Variants in PDE1A observed in about 807,000 individuals in gnomAD.
PDE1A encodes the protein dual specificity calcium/calmodulin-dependent 3',5'-cyclic nucleotide phosphodiesterase 1A.
In PDE1A, 35 loss-of-function variants were observed where a neutral mutation model predicts 61.7. That is an observed-to-expected ratio of 0.57 (90% CI 0.43 to 0.75). The LOEUF is 0.75. Ranked by LOEUF, PDE1A falls within the 30% of genes least tolerant of loss-of-function variation. The pLI is 0.00. For synonymous variants in PDE1A, 232 were observed against 213.2 expected (o/e 1.09, Z -0.77); for missense variants, 597 against 630.6 (o/e 0.95, Z 0.57).
At chr2:182,633,296 T>G in the PDE1A span, among the ~76,000 whole-genome samples, 4 of 152,180 alleles carry the variant, frequency 2.6e-5, no homozygotes, top group East Asian at 5.8e-4. Flanking sequence ...TAGATTTTCC[T>G]CAAGCCATGC....
chr2:182,184,041 A>T (rs1685002873), intron 13 of PDE1A, among the ~76,000 whole-genome samples: 1 of 130,498 alleles, frequency 7.7e-6, no homozygotes, highest in Admixed American at 7.4e-5. Flanking sequence ...AAAGAAAGAA[A>T]GAAAGAAAGA....
At chr2:182,557,528 A>G in the PDE1A span, among the ~76,000 whole-genome samples, 1 of 152,080 alleles carries the variant, frequency 6.6e-6, no homozygotes, top group Non-Finnish European at 1.5e-5. Flanking sequence ...CCTGGGGAAC[A>G]TGATGAGACC....
chr2:182,558,890 C>T, the PDE1A span, among the ~76,000 whole-genome samples: 1 of 152,176 alleles, frequency 6.6e-6, no homozygotes, highest in Non-Finnish European at 1.5e-5. Context: ...TCAATGTCAA[C>T]ATTTATTCAA....
At chr2:182,149,851 T>C (rs1413936115) in intron 13 of PDE1A, among the ~76,000 whole-genome samples, 2 of 152,150 alleles carry the variant, frequency 1.3e-5, no homozygotes, top group Non-Finnish European at 2.9e-5. Context: ...CATAGATCCC[T>C]CTTGTAGTCT....
chr2:182,207,402 T>C (rs1687199029), intron 7 of PDE1A, among the ~76,000 whole-genome samples: 1 of 152,186 alleles, frequency 6.6e-6, no homozygotes. Context: ...TAGAAATCTG[T>C]GGAATTTTGA....
chr2:182,347,944 T>C (rs1698617535), intron 1 of PDE1A, among the ~76,000 whole-genome samples: 1 of 152,126 alleles, frequency 6.6e-6, no homozygotes, highest in Non-Finnish European at 1.5e-5. Context: ...AGCGTTTTCT[T>C]TGAAAGAAGC....
At chr2:182,584,989 A>T in the PDE1A span, among the ~76,000 whole-genome samples, 1 of 152,266 alleles carries the variant, frequency 6.6e-6, no homozygotes, top group African/African-American at 2.4e-5. Context: ...ACGTAAAAAA[A>T]GTAAGAGGGT....
the PDE1A span, among the ~76,000 whole-genome samples, chr2:182,612,373 C>T: frequency 6.6e-6 from 1 of 152,156 alleles, no homozygotes; most frequent in African/African-American, 2.4e-5. Context: ...AATGAACATT[C>T]TCTAATACCT....
At chr2:182,155,309 G>T (rs1470578973) in intron 13 of PDE1A, among the ~76,000 whole-genome samples, 1 of 151,914 alleles carries the variant, frequency 6.6e-6, no homozygotes, top group Non-Finnish European at 1.5e-5. Context: ...GGCTGGTCTT[G>T]AATTCCTGGA....
chr2:182,490,106 G>C (rs1688284530), intron 2 of PDE1A, among the ~76,000 whole-genome samples: 1 of 151,888 alleles, frequency 6.6e-6, no homozygotes, highest in Admixed American at 6.6e-5. Context: ...GAAACTTTAA[G>C]CTAAATGTTG....
the PDE1A span, among the ~76,000 whole-genome samples, chr2:182,598,615 C>T: frequency 6.6e-6 from 1 of 151,644 alleles, no homozygotes; most frequent in Admixed American, 6.6e-5. Context: ...TGCTTTCACG[C>T]TCTCCCTTTC....
the PDE1A span, among the ~76,000 whole-genome samples, chr2:182,538,050 C>A: frequency 6.6e-6 from 1 of 152,168 alleles, no homozygotes; most frequent in African/African-American, 2.4e-5. Flanking sequence ...TCCAGCCACA[C>A]TGGCCTTTTT....
intron 1 of PDE1A, among the ~76,000 whole-genome samples, chr2:182,329,868 C>T (rs112841511): frequency 0.011 from 1,706 of 152,300 alleles, 27 homozygotes; most frequent in South Asian, 0.069. Context: ...GACTCCACAA[C>T]GAAAGTTCCA....
chr2:182,325,300 A>G (rs954867988), intron 1 of PDE1A, among the ~76,000 whole-genome samples: 1 of 152,214 alleles, frequency 6.6e-6, no homozygotes, highest in Non-Finnish European at 1.5e-5. Context: ...TTTACCATAC[A>G]ACATATACAA....
At chr2:182,294,721 A>T (rs1056289636) in intron 1 of PDE1A, among the ~76,000 whole-genome samples, 6 of 152,188 alleles carry the variant, frequency 3.9e-5, no homozygotes, top group African/African-American at 1.4e-4. Context: ...CTGGCACAAA[A>T]GTTAAGCTGG....
At chr2:182,527,788 A>G (rs59453757), upstream of PDE1A, among the ~76,000 whole-genome samples, 10,411 of 152,040 alleles carry the variant, frequency 0.068, 392 homozygotes, top group Middle Eastern at 0.1. Flanking sequence ...ATTGAATCAT[A>G]GGGGTGGTTT....
At chr2:182,589,044 A>AAATAAT in the PDE1A span, among the ~76,000 whole-genome samples, 1,603 of 138,178 alleles carry the variant, frequency 0.012, 19 homozygotes, top group Non-Finnish European at 0.015. Context: ...CTCTGTCTCA[A>AAATAAT]AATAATAATA....
chr2:182,309,942 C>T (rs1264638991), intron 1 of PDE1A, among the ~76,000 whole-genome samples: 1 of 151,896 alleles, frequency 6.6e-6, no homozygotes, highest in Non-Finnish European at 1.5e-5. Context: ...GGAGAGAATG[C>T]CAATGCAATA....
At chr2:182,673,075 G>C in the PDE1A span, among the ~76,000 whole-genome samples, 1 of 152,100 alleles carries the variant, frequency 6.6e-6, no homozygotes, top group Non-Finnish European at 1.5e-5. Flanking sequence ...CAATACAACA[G>C]AAAAAGGGTC....
Sources: allele counts gnomAD v4.1 joint callset (sites outside exome capture counted in the v4.1 genomes callset), GRCh38; gene constraint gnomAD v4.1.1; transcripts MANE v1.5; gene names NCBI Gene and HGNC (gene_info 2026-07-23, HGNC 2026-07-21).